ARHGAP10: variants seen among roughly 807,000 people sequenced by gnomAD.
ARHGAP10 encodes Rho GTPase activating protein 10, also known as rho GTPase-activating protein 10.
ARHGAP10 carries 87 observed loss-of-function variants against 108.6 expected under a neutral mutation model. The observed-to-expected ratio is 0.80, with a 90% CI of 0.67 to 0.96. The LOEUF (loss-of-function observed/expected upper bound fraction) is 0.96. ARHGAP10 is among the 40% of genes least tolerant of loss of function. The pLI, the probability that ARHGAP10 is intolerant of heterozygous loss-of-function variation, is 0.00. For missense variants in ARHGAP10, 939 were observed against 954.5 expected, an observed-to-expected ratio of 0.98 and a Z score of 0.21; for synonymous variants, 347 against 341.1, an observed-to-expected ratio of 1.02 and a Z score of -0.19.
chr4:147,972,952 T>C (rs571837445), intron 18 of ARHGAP10, among the ~76,000 whole-genome samples: 287 of 151,944 alleles, frequency 1.9e-3, no homozygotes, highest in South Asian at 6.2e-3. Context: ...ATGGGGTTTC[T>C]TCATGTTGGC....
At chr4:148,050,611 G>A (rs1729094877) in intron 20 of ARHGAP10, among the ~76,000 whole-genome samples, 1 of 151,918 alleles carries the variant, frequency 6.6e-6, no homozygotes, top group East Asian at 1.9e-4. Context: ...CTGACCTCGT[G>A]ATCCACCCAC....
At chr4:147,863,203 A>G (rs1286530595) in intron 5 of ARHGAP10, 1 of 152,178 alleles carries the variant, frequency 6.6e-6, no homozygotes, top group Non-Finnish European at 1.5e-5. Context: ...GGGCTTTTTA[A>G]AAAATCTTCC....
chr4:147,737,087 C>CAGTT (rs1434436899), intron 1 of ARHGAP10, among the ~76,000 whole-genome samples: 3 of 152,104 alleles, frequency 2.0e-5, no homozygotes, highest in Non-Finnish European at 4.4e-5. Context: ...TGACATAAGA[C>CAGTT]AGTTTTGAGT....
Position 148,060,450 on chromosome 4 carries a change from G to A in ARHGAP10, c.2028-2698G>A, listed in dbSNP as rs1013339263. ...TCTGACGTGTACTGGCTTTAGATGT[G>A]AACCCATTACACGACTTAAGTATAT... On this transcript the variant is annotated intron_variant, in intron 20 of 22. Transcript: ENST00000336498. Among the ~76,000 whole-genome samples the A allele has an allele frequency of 2.7e-5, 4 of 149,662 alleles. No homozygotes were observed. In the East Asian group the frequency reaches 8.0e-4, roughly 30 times the overall value.
chr4:147,854,767 A>G (rs774505917), intron 4 of ARHGAP10: 3 of 985,110 alleles, frequency 3.0e-6, no homozygotes, highest in Non-Finnish European at 3.6e-6. Context: ...GCGTTTTAAG[A>G]TTCAGAAACA....
chr4:147,757,190 CTTTTTTTTTT>C lies in ARHGAP10; in HGVS notation c.154+24748_154+24757del, dbSNP rs763282506. ...TAATGGGAACACAGGACAGTCTAGC[CTTTTTTTTTT>C]TTTTTTTTTTTTGAGACAGAGTCTT... On this transcript the variant is annotated intron_variant, in intron 1 of 22. Coordinates refer to ENST00000336498, the MANE Select transcript of ARHGAP10 (RefSeq NM_024605.4). 2.5e-3 allele frequency among the ~76,000 whole-genome samples: 292 copies of C among 115,640 alleles called. 1 individual carries two copies. The highest frequency in any genetic ancestry group is 9.2e-3 in the African/African-American group (276 of 29,990). The allele number at this position is 115,640 out of a possible 152,430, so 75.9% of individuals were successfully genotyped here. A position where few individuals can be genotyped will look rare whatever the true frequency, so the allele number is the denominator to read the frequency against.
chr4:147,784,757 AAATGTATATTATAAATATAAT>A, intron 1 of ARHGAP10, among the ~76,000 whole-genome samples: 2 of 33,072 alleles, frequency 6.0e-5, no homozygotes, highest in African/African-American at 6.6e-5. Context: ...ATATATTATA[AAATGTATATTATAAATATAAT>A]ATATTATAAA....
chr4:148,036,655 A>G (rs1728391045), intron 19 of ARHGAP10, among the ~76,000 whole-genome samples: 1 of 152,196 alleles, frequency 6.6e-6, no homozygotes, highest in African/African-American at 2.4e-5. Flanking sequence ...TCTTTCCTTT[A>G]TAAATTACCC....
chr4:148,029,862 G>A (rs1728056073), intron 19 of ARHGAP10, among the ~76,000 whole-genome samples: 1 of 152,118 alleles, frequency 6.6e-6, no homozygotes, highest in South Asian at 2.1e-4. Flanking sequence ...CTTTTACAAT[G>A]ATGAGATCAA....
chr4:147,749,263 A>G (rs755350066), intron 1 of ARHGAP10, among the ~76,000 whole-genome samples: 1 of 152,238 alleles, frequency 6.6e-6, no homozygotes, highest in African/African-American at 2.4e-5. Flanking sequence ...TCTATGCCTT[A>G]TAATAGAACC....
chr4:147,773,109 A>G (rs1455460692), intron 1 of ARHGAP10, among the ~76,000 whole-genome samples: 1 of 152,190 alleles, frequency 6.6e-6, no homozygotes, highest in Non-Finnish European at 1.5e-5. Context: ...TAGAAGGGAC[A>G]CTTTATATTA....
At position 148,004,212 on chromosome 4, in the gene ARHGAP10, C is replaced by T. The variant is rs139172340; in HGVS notation, c.1717-19051C>T. On this transcript the variant is annotated intron_variant, in intron 18 of 22. Transcript: ENST00000336498. ...CTCAAAAATAAAAAATTGACTTAAGCTTTGAAGGGCATCTCTCTGCTATCA... is the reference window on the plus strand; with the variant it reads ...CTCAAAAATAAAAAATTGACTTAAGTTTTGAAGGGCATCTCTCTGCTATCA... 2.5e-4 allele frequency among the ~76,000 whole-genome samples: 38 copies of T among 152,306 alleles called. No homozygotes were observed. In the East Asian group the frequency reaches 6.7e-3, roughly 27 times the overall value.
At position 148,063,164 on chromosome 4, in the gene ARHGAP10, T is replaced by A. The variant is rs1729696480; in HGVS notation, c.2044T>A (p.Ser682Thr). 1.2e-6 allele frequency: 2 copies of A among 1,614,186 alleles called. No homozygotes were observed. Among genetic ancestry groups the A allele is most frequent in the South Asian group, 1.1e-5 (1 of 91,076 alleles). ...WASTIPGQTR[S>T]SMVQWLNPQS... ...TACCCTTAGCCCAGGCCAGACCCGA[T>A]CGTCTATGGTCCAGTGGCTTAACCC... Residue 682 changes from serine to threonine, a missense_variant, in exon 21 of 23, where the codon TCG becomes ACG. Transcript: ENST00000336498.
At chr4:147,922,653 A>C (rs1737294558) in intron 13 of ARHGAP10, among the ~76,000 whole-genome samples, 1 of 140,528 alleles carries the variant, frequency 7.1e-6, no homozygotes, top group Non-Finnish European at 1.5e-5. Context: ...CCGCCACTGC[A>C]CTCCAGCCTG....
intron 1 of ARHGAP10, among the ~76,000 whole-genome samples, chr4:147,746,759 A>T (rs114432467): frequency 6.6e-6 from 1 of 152,034 alleles, no homozygotes; most frequent in Non-Finnish European, 1.5e-5. Context: ...TGTACCTTTC[A>T]CCTGTTTCAT....
intron 18 of ARHGAP10, among the ~76,000 whole-genome samples, chr4:147,983,879 A>G (rs545641208): frequency 6.6e-6 from 1 of 152,032 alleles, no homozygotes; most frequent in African/African-American, 2.4e-5. Flanking sequence ...GGCTTTTTCT[A>G]CTGCTGGAGT....
At chr4:147,935,123 A>G (rs554021753) in intron 13 of ARHGAP10, among the ~76,000 whole-genome samples, 23 of 152,316 alleles carry the variant, frequency 1.5e-4, no homozygotes, top group Non-Finnish European at 2.4e-4. Flanking sequence ...AGAGGATGCA[A>G]TGAACTTGGT....
rs17023948 is a variant in ARHGAP10, at chr4:147,833,807, A to G, written c.312+10850A>G. ...TGGTGGTGATTAGATTCAATGATAT[A>G]TATATTAAGTTGGTGGTAGAGATTG... On this transcript the variant is annotated intron_variant, in intron 3 of 22. Coordinates refer to ENST00000336498, the MANE Select transcript of ARHGAP10 (RefSeq NM_024605.4). 7.5e-3 allele frequency among the ~76,000 whole-genome samples: 1,136 copies of G among 152,272 alleles called. 14 individuals are homozygous for G. The highest frequency in any genetic ancestry group is 0.025 in the African/African-American group (1,033 of 41,540).
intron 19 of ARHGAP10, among the ~76,000 whole-genome samples, chr4:148,026,788 G>GA (rs1727876259): frequency 6.6e-6 from 1 of 152,132 alleles, no homozygotes; most frequent in Non-Finnish European, 1.5e-5. Flanking sequence ...AGTCAGTTAT[G>GA]AAAAAGCAAA....
Sources: gnomAD v4.1 joint callset for allele counts (sites outside exome capture counted in the v4.1 genomes callset) on GRCh38, gnomAD v4.1.1 for gene constraint, MANE v1.5 for transcripts, NCBI Gene and HGNC (gene_info 2026-07-23, HGNC 2026-07-21) for gene names.